The following FASN variants were observed in gnomAD, a reference collection of about 807,000 sequenced individuals.
FASN encodes the protein 3-hydroxyacyl-[acyl-carrier-protein] dehydratase.
FASN carries 50 observed loss-of-function variants against 250.0 expected under a neutral mutation model. That is an observed-to-expected ratio of 0.20 (90% CI 0.16 to 0.25). FASN has a LOEUF of 0.25. Among genes scored for constraint, FASN ranks in the 10% least tolerant of loss-of-function variants. The pLI is 1.00. For missense variants in FASN, 3,031 were observed against 3,498.5 expected, an observed-to-expected ratio of 0.87 and a Z score of 3.37; for synonymous variants, 1,909 against 1,584.0, an observed-to-expected ratio of 1.21 and a Z score of -4.87.
intron 8 of FASN, 55 bp downstream of exon 8, chr17:82,092,400 A>G: frequency 6.5e-7 from 1 of 1,536,868 alleles, no homozygotes; most frequent in South Asian, 1.2e-5. Flanking sequence ...GCCATGGCGC[A>G]ACCCAGTCCC....
chr17:82,086,544 G>C lies in FASN; in HGVS notation c.3442C>G (p.Leu1148Val), dbSNP rs776385465. 4.0e-5 allele frequency: 65 copies of C among 1,611,446 alleles called. No individual in the cohort carries two copies. The South Asian group carries it at 6.6e-4, about 16-fold the overall frequency. Residue 1148 changes from leucine to valine, a missense_variant, in exon 22 of 43, where the codon CTG (leucine) becomes GTG (valine). Physicochemically the swap from Leu to Val is conservative, Grantham distance 32. Coordinates refer to ENST00000306749, the MANE Select transcript of FASN (RefSeq NM_004104.5). ...CCCTGCTGGGTCACCTTGGTCTGCAGTGCCTGCACCAGCCCTGGGGAGGGA... is the reference window on the plus strand; with the variant it reads ...CCCTGCTGGGTCACCTTGGTCTGCACTGCCTGCACCAGCCCTGGGGAGGGA... ...LQLCKGLVQA[L>V]QTKVTQQGLK...
intron 12 of FASN, 114 bp downstream of exon 12, chr17:82,089,511 CTGCCCCA>C: frequency 1.3e-6 from 2 of 1,565,014 alleles, no homozygotes; most frequent in Non-Finnish European, 1.7e-6. Context: ...GAGGACAAAC[CTGCCCCA>C]TGCCCCAGGC....
intron 38 of FASN, 58 bp from the exon 39 acceptor site, chr17:82,080,980 C>T (rs1373340295): frequency 6.7e-7 from 1 of 1,495,690 alleles, no homozygotes; most frequent in Non-Finnish European, 9.1e-7. Context: ...GGCACCCACG[C>T]AAGGACACAC....
rs372694238 is a variant in FASN at position 82,088,835 on chromosome 17, G to C, written c.2346C>G (p.Ile782Met). 2 of 1,612,456 alleles carry C rather than the reference G, an allele frequency of 1.2e-6. No individual in the cohort carries two copies. The highest frequency in any genetic ancestry group is 1.7e-6 in the Non-Finnish European group (2 of 1,179,824). The change falls in exon 15 of 43, where the codon ATC (isoleucine) becomes ATG (methionine). Residue 782 changes from isoleucine (I) to methionine (M), a missense_variant. By Grantham distance (10) the Ile-to-Met change is conservative (BLOSUM62 1). Coordinates refer to ENST00000306749, the MANE Select transcript of FASN (RefSeq NM_004104.5). ...CCCTGTGATCCTTCTTCATCAGGGG[G>C]ATGATGGTGCAGCTCGGCTTCAGGC... ...KRGLKPSCTIIPLMKKDHRDN... is the reference protein window; with the variant it reads ...KRGLKPSCTIMPLMKKDHRDN...
Position 82,079,473 on chromosome 17 carries a change from G to A in FASN, c.7282C>T (p.Arg2428Cys), listed in dbSNP as rs769391843. The A allele has an allele frequency of 8.1e-6, 13 of 1,612,772 alleles. No individual in the cohort carries two copies. In the East Asian group the frequency reaches 1.1e-4, roughly 14 times the overall value. Residue 2428 changes from arginine (R) to cysteine (C), a missense_variant, in exon 42 of 43, where the codon CGT becomes TGT. Arg to Cys is a radical substitution (Grantham distance 180). Transcript: ENST00000306749. ...FAARSFYYKLRAAEQYTPKAK... is the reference protein window; with the variant it reads ...FAARSFYYKLCAAEQYTPKAK... Reference sequence around the variant, plus strand: ...TTGGGTGTGTACTGCTCAGCGGCACGCAGCTTGTAGTAGAAGGACCGGGCC... The same window carrying A: ...TTGGGTGTGTACTGCTCAGCGGCACACAGCTTGTAGTAGAAGGACCGGGCC...
rs1367877288 is a variant in FASN, at chr17:82,093,179, C to T, written c.655+40G>A. ...GACTGTGCGGGGGGCCGTCCTGTGC[C>T]ACTGTCCCGCCTGCCCTGGCCGCGC... On this transcript the variant is annotated intron_variant, in intron 5 of 42. Transcript: ENST00000306749. 5.6e-5 allele frequency: 87 copies of T among 1,546,216 alleles called. No individual in the cohort carries two copies. The East Asian group carries it at 2.1e-3, about 36-fold the overall frequency.
At chr17:82,082,801 G>T (rs1383164925) in intron 33 of FASN, 113 bp downstream of exon 33, 3 of 1,546,262 alleles carry the variant, frequency 1.9e-6, no homozygotes, top group Non-Finnish European at 2.6e-6. Flanking sequence ...AAGATGGAGG[G>T]GGACAGACCC....
intron 21 of FASN, 99 bp downstream of exon 21, chr17:82,086,951 A>AG (rs2034114464): frequency 7.1e-7 from 1 of 1,413,586 alleles, no homozygotes; most frequent in Non-Finnish European, 9.7e-7. Context: ...CTGACCCCAA[A>AG]GGGGGCCCCG....
At chr17:82,090,345 A>G in intron 11 of FASN, 30 bp downstream of exon 11, 1 of 1,555,844 alleles carries the variant, frequency 6.4e-7, no homozygotes, top group African/African-American at 1.4e-5. Flanking sequence ...CCTTTCTTGG[A>G]GGTGCTGGGG....
At chr17:82,095,547 C>T (rs916205611) in intron 2 of FASN, 75 bp from the exon 3 acceptor site, 10 of 1,567,478 alleles carry the variant, frequency 6.4e-6, no homozygotes, top group South Asian at 2.2e-5. Flanking sequence ...TGCTGCAGGC[C>T]CCTGGAGGGG....
chr17:82,090,673 C>T, intron 10 of FASN, 109 bp from the exon 11 acceptor site: 1 of 1,149,088 alleles, frequency 8.7e-7, no homozygotes, highest in Non-Finnish European at 1.3e-6. Flanking sequence ...ATCGACCCTC[C>T]CAGGTCTCCT....
chr17:82,085,340 G>A lies in FASN; in HGVS notation c.4185C>T (p.Phe1395=), dbSNP rs752498244. 4.3e-6 allele frequency: 7 copies of A among 1,611,602 alleles called. No homozygotes were observed. In the Admixed American group the frequency reaches 1.2e-4, roughly 27 times the overall value. ...SLRLVGLKKS[F]YGSTLFLCRR... ...GGCACAGGAAGAGCGTGGAGCCGTAGAAGGACTTCTTCAGGCCCACCAGGC... is the reference window on the plus strand; with the variant it reads ...GGCACAGGAAGAGCGTGGAGCCGTAAAAGGACTTCTTCAGGCCCACCAGGC... Residue 1395 remains phenylalanine (F), a synonymous_variant, in exon 24 of 43, where the codon TTC becomes TTT. Coordinates refer to ENST00000306749, the MANE Select transcript of FASN (RefSeq NM_004104.5).
At chr17:82,082,502 G>A in intron 34 of FASN, 25 bp downstream of exon 34, 1 of 1,609,436 alleles carries the variant, frequency 6.2e-7, no homozygotes, top group Non-Finnish European at 8.5e-7. Context: ...GGCTTTTGAG[G>A]GCCCCATTTG....
chr17:82,081,434 C>A (rs760483837), intron 37 of FASN, 82 bp from the exon 38 acceptor site: 1 of 1,563,896 alleles, frequency 6.4e-7, no homozygotes, highest in Non-Finnish European at 8.6e-7. Flanking sequence ...CCCAGGGGTG[C>A]GTGGGCTGTG....
In FASN at chr17:82,079,247, C is replaced by G. The variant is rs747059037; in HGVS notation, c.7432G>C (p.Glu2478Gln). 5.6e-6 allele frequency: 9 copies of G among 1,612,876 alleles called. No individual in the cohort carries two copies. The highest frequency in any genetic ancestry group is 6.8e-6 in the Non-Finnish European group (8 of 1,179,966). Reference sequence around the variant, plus strand: ...TCCAGCAGCGTGCGGTGGTCACCCTCGATGACGTGGACGGATACTTTCCCG... The same window carrying G: ...TCCAGCAGCGTGCGGTGGTCACCCTGGATGACGTGGACGGATACTTTCCCG... The part of the protein sequence containing the change: ...CDGKVSVHVI[E>Q]GDHRTLLEGS... The change falls in exon 43 of 43, where the codon GAG (glutamate) becomes CAG (glutamine). Residue 2478 changes from glutamate to glutamine, a missense_variant. Transcript: ENST00000306749.
At position 82,079,396 on chromosome 17, in the gene FASN, G is replaced by T. The variant is rs768851892; in HGVS notation, c.7359C>A (p.Ala2453=). 12 of 1,612,930 alleles carry T rather than the reference G, an allele frequency of 7.4e-6. No individual in the cohort carries two copies. In the African/African-American group the frequency reaches 1.5e-4, roughly 20 times the overall value. ...AGTCCGCGCCCAGGTCCTCGCCGTA[G>T]GCGCCACCCGTCTTGGCGCGCAGTA... The part of the protein sequence containing the change: ...VMLLRAKTGG[A]YGEDLGADYN... Residue 2453 remains alanine, a synonymous_variant, in exon 42 of 43, where the codon GCC becomes GCA. Transcript: ENST00000306749.
intron 2 of FASN, 144 bp from the exon 3 acceptor site, chr17:82,095,616 T>G: frequency 9.8e-7 from 1 of 1,022,592 alleles, no homozygotes; most frequent in Non-Finnish European, 1.5e-6. Context: ...TGGAGCAGGC[T>G]CCCCAGGAGG....
intron 28 of FASN, 25 bp downstream of exon 28, chr17:82,084,209 A>G: frequency 1.2e-6 from 2 of 1,610,598 alleles, no homozygotes; most frequent in Non-Finnish European, 1.7e-6. Context: ...CGTGGGGCCC[A>G]GGCTCACACC....
In FASN at chr17:82,079,085, G is replaced by C. The variant is rs571724953; in HGVS notation, c.*58C>G. The C allele has an allele frequency of 2.0e-3, 2,983 of 1,507,482 alleles. 8 individuals are homozygous for C. Among genetic ancestry groups the C allele is most frequent in the Admixed American group, 2.3e-3 (117 of 51,330 alleles). The allele number at this position is 1,507,482 out of a possible 1,614,324, so 93.4% of individuals were successfully genotyped here. A position where few individuals can be genotyped will look rare whatever the true frequency, so the allele number is the denominator to read the frequency against. ...TTCAATCCCGTTGCATGGCGGGGGT[G>C]GGGTGGGGTGGGGTGGGGATGGTGG... On this transcript the variant is annotated 3_prime_UTR_variant, in exon 43 of 43. Coordinates refer to ENST00000306749, the MANE Select transcript of FASN (RefSeq NM_004104.5).
Sources: allele counts gnomAD v4.1 joint callset, GRCh38; gene constraint gnomAD v4.1.1; transcripts MANE v1.5; gene names NCBI Gene and HGNC (gene_info 2026-07-23, HGNC 2026-07-21).